Variants in CD163L1 observed in about 807,000 individuals in gnomAD.
CD163L1 encodes the protein scavenger receptor cysteine-rich type 1 protein M160.
CD163L1 carries 124 observed loss-of-function variants against 165.4 expected under a neutral mutation model. The observed-to-expected ratio is 0.75, with a 90% confidence interval of 0.65 to 0.87. CD163L1 has a LOEUF of 0.87. Among genes scored for constraint, CD163L1 ranks in the 40% least tolerant of loss-of-function variants. CD163L1 has a pLI of 0.00. For missense variants in CD163L1, 1,525 were observed against 1,799.9 expected (o/e 0.85, Z 2.76); for synonymous variants, 585 against 662.2 (o/e 0.88, Z 1.79).
intron 4 of CD163L1, among the ~76,000 whole-genome samples, chr12:7,420,628 A>G (rs1948330156): frequency 6.6e-6 from 1 of 152,144 alleles, no homozygotes; most frequent in Admixed American, 6.6e-5. Context: ...ACTCATGATC[A>G]GAGAAATGCA....
At chr12:7,423,779 G>A (rs1410118766) in intron 4 of CD163L1, among the ~76,000 whole-genome samples, 1 of 152,072 alleles carries the variant, frequency 6.6e-6, no homozygotes, top group Non-Finnish European at 1.5e-5. Flanking sequence ...ACTAAACCAG[G>A]AAGAAGTTGA....
chr12:7,371,789 A>G (rs1370731224), intron 14 of CD163L1, among the ~76,000 whole-genome samples: 4 of 152,018 alleles, frequency 2.6e-5, no homozygotes, highest in African/African-American at 9.7e-5. Context: ...GGTAAAAAAT[A>G]TATATGCTTT....
intron 8 of CD163L1, among the ~76,000 whole-genome samples, chr12:7,386,546 T>C (rs1043585184): frequency 7.0e-6 from 1 of 143,468 alleles, no homozygotes; most frequent in Admixed American, 7.2e-5. Flanking sequence ...ATATCCTTGA[T>C]GAACATAGAT....
chr12:7,320,748 G>C, the CD163L1 span: 1 of 1,613,588 alleles, frequency 6.2e-7, no homozygotes, highest in Non-Finnish European at 8.5e-7. Flanking sequence ...ATCCCATCAC[G>C]ACCCTGTGCA....
chr12:7,392,335 A>G (rs12307345), intron 8 of CD163L1, among the ~76,000 whole-genome samples: 11,431 of 152,260 alleles, frequency 0.075, 450 homozygotes, highest in African/African-American at 0.11. Flanking sequence ...CTGGATAAAT[A>G]ACGAAATGAA....
At chr12:7,437,683 T>C (rs999687264) in intron 2 of CD163L1, among the ~76,000 whole-genome samples, 16 of 151,690 alleles carry the variant, frequency 1.1e-4, no homozygotes, top group Non-Finnish European at 2.1e-4. Context: ...TTTTTTTTTT[T>C]TTTTGACACT....
intron 4 of CD163L1, among the ~76,000 whole-genome samples, chr12:7,430,922 G>T (rs1050542872): frequency 1.3e-5 from 2 of 151,984 alleles, no homozygotes; most frequent in Admixed American, 1.3e-4. Flanking sequence ...TAGATAATAA[G>T]AAATTTCCTA....
intron 8 of CD163L1, among the ~76,000 whole-genome samples, chr12:7,381,783 A>T (rs1947414040): frequency 6.6e-6 from 1 of 152,104 alleles, no homozygotes. Flanking sequence ...GTCTAGAAAC[A>T]GATGAACTTT....
At chr12:7,353,581 G>A (rs1272352234), downstream of CD163L1, among the ~76,000 whole-genome samples, 1 of 151,878 alleles carries the variant, frequency 6.6e-6, no homozygotes, top group East Asian at 1.9e-4. Context: ...GCATTTAATG[G>A]AAGTTTAAAA....
the CD163L1 span, among the ~76,000 whole-genome samples, chr12:7,339,368 T>C: frequency 6.6e-6 from 1 of 152,140 alleles, no homozygotes; most frequent in Non-Finnish European, 1.5e-5. Context: ...CAGATGATAG[T>C]CTCTGATGCA....
intron 4 of CD163L1, among the ~76,000 whole-genome samples, chr12:7,430,221 G>A (rs1304601272): frequency 6.6e-6 from 1 of 152,088 alleles, no homozygotes; most frequent in Non-Finnish European, 1.5e-5. Flanking sequence ...GATGTTTGTA[G>A]AAGAAAAAAT....
chr12:7,437,492 C>G (rs960824451), intron 2 of CD163L1, among the ~76,000 whole-genome samples: 22 of 151,708 alleles, frequency 1.5e-4, no homozygotes, highest in African/African-American at 4.6e-4. Context: ...CTGCTCCCCC[C>G]ACCCCATGAC....
At chr12:7,377,257 A>G (rs1403137939) in intron 9 of CD163L1, among the ~76,000 whole-genome samples, 2 of 152,160 alleles carry the variant, frequency 1.3e-5, no homozygotes, top group Non-Finnish European at 2.9e-5. Context: ...TCACCTTTTC[A>G]GTAAGGCCTA....
chr12:7,386,619 A>C (rs867309364), intron 8 of CD163L1, among the ~76,000 whole-genome samples: 168 of 151,916 alleles, frequency 1.1e-3, no homozygotes, highest in African/African-American at 3.6e-3. Context: ...AAAAAAAAAA[A>C]AACAGTATAG....
rs777982535 is a variant in CD163L1 at position 7,433,707 on chromosome 12, C to G, written c.125-13G>C. On this transcript the variant is annotated splice_polypyrimidine_tract_variant and intron_variant, in intron 2 of 19. Coordinates refer to ENST00000313599, the MANE Select transcript of CD163L1 (RefSeq NM_174941.6). ...AAATCTGTTCCATCTGCAAGAAAGA[C>G]AGAAACATACATTAGAGATGGCAAA... 3 of 1,583,970 alleles carry G rather than the reference C, an allele frequency of 1.9e-6. No homozygotes were observed. The highest frequency in any genetic ancestry group is 2.6e-6 in the Non-Finnish European group (3 of 1,160,156).
chr12:7,361,198 G>A (rs1946883618), intron 18 of CD163L1, among the ~76,000 whole-genome samples: 1 of 152,038 alleles, frequency 6.6e-6, no homozygotes, highest in Admixed American at 6.6e-5. Context: ...GCTTCATTGT[G>A]TATGTTCTGC....
downstream of CD163L1, among the ~76,000 whole-genome samples, chr12:7,341,856 C>T (rs1267627647): frequency 2.0e-5 from 3 of 152,186 alleles, no homozygotes; most frequent in Non-Finnish European, 4.4e-5. Flanking sequence ...ATGAGAAATT[C>T]TGAGACCCTT....
At chr12:7,348,999 A>T (rs757647412) in intron 4 of CD163L1, among the ~76,000 whole-genome samples, 25 of 152,122 alleles carry the variant, frequency 1.6e-4, no homozygotes, top group South Asian at 6.2e-4. Flanking sequence ...GAAAAATTAC[A>T]ATGAGGTAGA....
intron 2 of CD163L1, chr12:7,439,978 G>T: frequency 6.4e-7 from 1 of 1,557,480 alleles, no homozygotes; most frequent in Non-Finnish European, 8.7e-7. Flanking sequence ...TCCCTCCGCA[G>T]CCTGCTCCAT....
Sources: gnomAD v4.1 joint callset for allele counts (sites outside exome capture counted in the v4.1 genomes callset) on GRCh38, gnomAD v4.1.1 for gene constraint, MANE v1.5 for transcripts, NCBI Gene and HGNC (gene_info 2026-07-23, HGNC 2026-07-21) for gene names.